The following ZNF644 variants were observed in gnomAD, a reference collection of about 807,000 sequenced individuals.
The protein encoded by ZNF644 is zinc finger protein 644.
Under a neutral mutation model 108.0 loss-of-function variants are expected in ZNF644, and 20 were observed. The ratio of observed to expected loss-of-function variants is 0.19; its 90% CI spans 0.13 to 0.27. The LOEUF is 0.27. Among genes scored for constraint, ZNF644 ranks in the 10% least tolerant of loss-of-function variants. ZNF644 has a pLI of 1.00. For missense variants in ZNF644, 1,338 were observed against 1,548.9 expected (o/e 0.86, Z 2.29); for synonymous variants, 542 against 539.1 (o/e 1.01, Z -0.08).
chr1:90,923,460 C>T (rs909655076), intron 4 of ZNF644, among the ~76,000 whole-genome samples: 1 of 151,980 alleles, frequency 6.6e-6, no homozygotes, highest in Non-Finnish European at 1.5e-5. Flanking sequence ...CCTAGCTATA[C>T]CACTTCATTA....
chr1:91,006,560 C>A (rs1659438860), intron 1 of ZNF644, among the ~76,000 whole-genome samples: 1 of 152,116 alleles, frequency 6.6e-6, no homozygotes, highest in South Asian at 2.1e-4. Context: ...GCCCTCATAC[C>A]AAAATCTGAC....
At chr1:90,992,146 C>G (rs1657695326) in intron 1 of ZNF644, among the ~76,000 whole-genome samples, 1 of 152,066 alleles carries the variant, frequency 6.6e-6, no homozygotes, top group Admixed American at 6.6e-5. Flanking sequence ...TCTGGGCAAA[C>G]AGGAAGAATA....
At chr1:90,946,462 A>G (rs938854353) in intron 2 of ZNF644, among the ~76,000 whole-genome samples, 7 of 152,138 alleles carry the variant, frequency 4.6e-5, no homozygotes, top group African/African-American at 1.7e-4. Context: ...GTCCCTTCTA[A>G]TATGTACTAC....
At position 90,930,575 on chromosome 1, in the gene ZNF644, T is replaced by A. The variant is rs558640850; in HGVS notation, c.3688+6910A>T. Among the ~76,000 whole-genome samples the A allele has an allele frequency of 3.2e-4, 48 of 152,290 alleles. 1 individual carries two copies. The South Asian group carries it at 9.5e-3, about 30-fold the overall frequency. ...GAGGCAGTTAGGGCAGTGTCTTCAA[T>A]CTATGATAGTGACTTCTTAAGTGGG... On this transcript the variant is annotated intron_variant, in intron 4 of 5. Transcript: ENST00000337393.
At chr1:91,009,925 T>C (rs551541655) in intron 1 of ZNF644, among the ~76,000 whole-genome samples, 42 of 152,306 alleles carry the variant, frequency 2.8e-4, no homozygotes, top group Non-Finnish European at 5.1e-4. Flanking sequence ...GCCACAATAT[T>C]TGATTTGACT....
intron 2 of ZNF644, among the ~76,000 whole-genome samples, chr1:90,944,714 CTT>C (rs1469260772): frequency 6.6e-6 from 1 of 152,094 alleles, no homozygotes; most frequent in Non-Finnish European, 1.5e-5. Context: ...TAATTTTGTT[CTT>C]TTATGTACAT....
chr1:90,989,276 T>C (rs1270389381), intron 1 of ZNF644, among the ~76,000 whole-genome samples: 1 of 152,166 alleles, frequency 6.6e-6, no homozygotes, highest in Non-Finnish European at 1.5e-5. Flanking sequence ...CAGCCCAGTG[T>C]AGTGGCTCAT....
chr1:90,926,804 C>T (rs1394331238), intron 4 of ZNF644, among the ~76,000 whole-genome samples: 1 of 152,162 alleles, frequency 6.6e-6, no homozygotes, highest in East Asian at 1.9e-4. Flanking sequence ...TGACCTGGTA[C>T]AGGACTCTTA....
At chr1:90,928,973 T>C (rs1045495141) in intron 4 of ZNF644, among the ~76,000 whole-genome samples, 2 of 152,186 alleles carry the variant, frequency 1.3e-5, no homozygotes, top group African/African-American at 4.8e-5. Context: ...GAGTGCAGTA[T>C]CTTTACTGGC....
chr1:90,938,154 G>C lies in ZNF644; in HGVS notation c.3083-64C>G. The C allele has an allele frequency of 6.2e-7, 1 of 1,605,560 alleles. No homozygotes were observed. Among genetic ancestry groups the C allele is most frequent in the South Asian group, 1.1e-5 (1 of 90,324 alleles). On this transcript the variant is annotated intron_variant, in intron 3 of 5. Coordinates refer to ENST00000337393, the MANE Select transcript of ZNF644 (RefSeq NM_201269.3). This position sits in a 1 kb window ranked among gnomAD's most constrained non-coding sequence, Gnocchi z 4.2. ...ATATAAACTGACCACCCTAAAATGA[G>C]TTAATTCTGAAACATAAAATTATGA...
intron 1 of ZNF644, among the ~76,000 whole-genome samples, chr1:91,019,569 G>A (rs960711517): frequency 6.6e-6 from 1 of 151,908 alleles, no homozygotes; most frequent in Non-Finnish European, 1.5e-5. Flanking sequence ...GAATATGAAA[G>A]TTTTTTTGTT....
intron 4 of ZNF644, among the ~76,000 whole-genome samples, chr1:90,922,564 G>A (rs958892338): frequency 1.3e-5 from 2 of 152,072 alleles, no homozygotes; most frequent in Admixed American, 6.6e-5. Context: ...ATACACAAGT[G>A]TAAGAAAAAT....
chr1:90,964,952 C>T (rs1654705312), intron 2 of ZNF644, among the ~76,000 whole-genome samples: 1 of 152,060 alleles, frequency 6.6e-6, no homozygotes. Context: ...CCTTAGAAGA[C>T]ATAAGTTGCT....
intron 1 of ZNF644, among the ~76,000 whole-genome samples, chr1:90,992,468 G>A (rs1447494368): frequency 6.6e-6 from 1 of 151,300 alleles, no homozygotes; most frequent in African/African-American, 2.4e-5. Context: ...CCTACAACTG[G>A]TAATTCAGTC....
chr1:90,941,570 T>C (rs907193460), intron 2 of ZNF644, among the ~76,000 whole-genome samples: 1 of 152,028 alleles, frequency 6.6e-6, no homozygotes, highest in African/African-American at 2.4e-5. Flanking sequence ...AAAAGCAACA[T>C]ACACAAACAC....
intron 1 of ZNF644, among the ~76,000 whole-genome samples, chr1:90,989,146 A>T (rs779068433): frequency 1.3e-5 from 2 of 152,198 alleles, no homozygotes; most frequent in Non-Finnish European, 2.9e-5. Flanking sequence ...AAAATCCAAA[A>T]TATGTAATAT....
rs150153332 is a variant in ZNF644, at chr1:90,932,437, T to C, written c.3688+5048A>G. ...CTACTTTCCCTTTACATTGTTCCAA[T>C]TTTGTGATATACTAAGGTAAGATTT... On this transcript the variant is annotated intron_variant, in intron 4 of 5. Transcript: ENST00000337393. Among the ~76,000 whole-genome samples, 312 of 152,308 alleles carry C rather than the reference T, an allele frequency of 2.0e-3. No individual in the cohort carries two copies. In the Middle Eastern group the frequency reaches 0.027, roughly 13 times the overall value.
chr1:90,933,441 T>C (rs911573586), intron 4 of ZNF644, among the ~76,000 whole-genome samples: 1 of 152,010 alleles, frequency 6.6e-6, no homozygotes, highest in African/African-American at 2.4e-5. Flanking sequence ...GCGGGCAGAC[T>C]GCCTGAGGTC....
chr1:90,994,694 G>C (rs551588659), intron 1 of ZNF644, among the ~76,000 whole-genome samples: 1 of 152,342 alleles, frequency 6.6e-6, no homozygotes, highest in South Asian at 2.1e-4. Context: ...AGCTCTACAA[G>C]GTTGAAGTAC....
Sources: allele counts gnomAD v4.1 joint callset (sites outside exome capture counted in the v4.1 genomes callset), GRCh38; gene constraint gnomAD v4.1.1; non-coding constraint Gnocchi (gnomAD v3.1); transcripts MANE v1.5; gene names NCBI Gene and HGNC (gene_info 2026-07-23, HGNC 2026-07-21).